Variants in DOCK9 observed in about 807,000 individuals in gnomAD.
DOCK9 encodes the protein dedicator of cytokinesis 9.
Under a neutral mutation model 263.3 loss-of-function variants are expected in DOCK9, and 89 were observed. The ratio of observed to expected loss-of-function variants is 0.34; its 90% CI spans 0.28 to 0.40. The LOEUF (loss-of-function observed/expected upper bound fraction) is 0.40, where lower values mean the gene tolerates loss of function less well. Among genes scored for constraint, DOCK9 ranks in the 10% least tolerant of loss-of-function variants. The pLI is 1.00. For missense variants in DOCK9, 2,140 were observed against 2,603.4 expected (o/e 0.82, Z 3.87); for synonymous variants, 976 against 973.1 (o/e 1.00, Z -0.06).
chr13:98,955,328 AAT>A (rs1348125169), intron 2 of DOCK9, 105 bp downstream of exon 2: 23 of 746,136 alleles, frequency 3.1e-5, no homozygotes, highest in Admixed American at 9.8e-5. Context: ...CAAAAAAAAT[AAT>A]AATAATAATA....
At chr13:98,839,950 C>T (rs142012279) in intron 38 of DOCK9, among the ~76,000 whole-genome samples, 5 of 152,308 alleles carry the variant, frequency 3.3e-5, no homozygotes, top group Non-Finnish European at 5.9e-5. Flanking sequence ...TCCTTTTAGC[C>T]ACATATTGTT....
chr13:99,014,312 G>A lies in DOCK9; in HGVS notation c.130-58761C>T, dbSNP rs117512243. ...TTCTAATCTCTGATACCAGTTATTC[G>A]CAAAAGCATATTCCAAAATACCTCA... On this transcript the variant is annotated intron_variant, in intron 1 of 32. Coordinates refer to the DOCK9 transcript ENST00000427887. Among the ~76,000 whole-genome samples, 134 of 152,304 alleles carry A rather than the reference G, an allele frequency of 8.8e-4. 1 individual carries two copies. In the East Asian group the frequency reaches 0.023, roughly 26 times the overall value.
chr13:98,868,265 T>C lies in DOCK9; in HGVS notation c.3056A>G (p.Lys1019Arg), dbSNP rs1198670566. 1 of 1,614,004 alleles carries C rather than the reference T, an allele frequency of 6.2e-7. No homozygotes were observed. Among genetic ancestry groups the C allele is most frequent in the East Asian group, 2.2e-5 (1 of 44,880 alleles). Reference protein sequence around the residue: ...QKFRDNPEASKNANHSLAVFI... With the variant: ...QKFRDNPEASRNANHSLAVFI... ...GACAGCAAGGCTATGATTCGCGTTC[T>C]TAGATGCCTCTGGATTATCTCGAAA... is the stretch of plus-strand genomic sequence containing the variant. The change falls in exon 28 of 53, where the codon AAG (lysine) becomes AGG (arginine). Residue 1019 changes from lysine to arginine, a missense_variant. Lys to Arg is a conservative substitution (Grantham distance 26). Coordinates refer to ENST00000682017, the MANE Select transcript of DOCK9 (RefSeq NM_001366683.2).
intron 1 of DOCK9, among the ~76,000 whole-genome samples, chr13:99,054,236 C>G (rs559191275): frequency 3.3e-5 from 5 of 152,284 alleles, no homozygotes; most frequent in South Asian, 2.1e-4. Context: ...AAAAAAACAG[C>G]CTTGGTCTAG....
rs1316038169 is a variant in DOCK9 at position 98,810,268 on chromosome 13, C to G, written c.5154G>C (p.Glu1718Asp). ...CTTTCCAGAGTCCATCTGCGCACTG[C>G]TCAAGGAGCTCCATCAGCACATCCT... ...FNEDVLMELL[E>D]QCADGLWKAE... Residue 1718 changes from glutamate to aspartate, a missense_variant, in exon 46 of 53, where the codon GAG (glutamate) becomes GAC (aspartate). Glu to Asp is a conservative substitution (Grantham distance 45). This residue lies in a region of DOCK9 where 619 missense variants were observed against 861.8 expected (regional missense o/e 0.72). Coordinates refer to ENST00000682017, the MANE Select transcript of DOCK9 (RefSeq NM_001366683.2). 1 of 1,613,732 alleles carries G rather than the reference C, an allele frequency of 6.2e-7. No homozygotes were observed. Among genetic ancestry groups the G allele is most frequent in the South Asian group, 1.1e-5 (1 of 91,088 alleles).
At chr13:98,968,768 C>G (rs1246395186) in intron 1 of DOCK9, among the ~76,000 whole-genome samples, 3 of 152,130 alleles carry the variant, frequency 2.0e-5, no homozygotes, top group South Asian at 4.1e-4. Flanking sequence ...GAAATTTTTA[C>G]TTGGGCAGAC....
intron 1 of DOCK9, among the ~76,000 whole-genome samples, chr13:99,082,200 AC>A (rs2042147168): frequency 1.3e-5 from 2 of 152,094 alleles, no homozygotes; most frequent in Non-Finnish European, 2.9e-5. Flanking sequence ...AGCCTGGGTG[AC>A]AGATTAAGAT....
At position 98,825,725 on chromosome 13, in the gene DOCK9, T is replaced by G. The variant is rs1284635004; in HGVS notation, c.5023+1105A>C. ...TGCTTTCCTCTTGTGCCCACAGGAA[T>G]AGACCAGCCAACCAGAGAGCCACAG... On this transcript the variant is annotated intron_variant, in intron 44 of 52. Coordinates refer to ENST00000682017, the MANE Select transcript of DOCK9 (RefSeq NM_001366683.2). The surrounding 1 kb of genome is among the most constrained non-coding windows in gnomAD (Gnocchi z 4.1). The G allele has an allele frequency of 2.3e-5, 10 of 439,410 alleles. No homozygotes were observed. The highest frequency in any genetic ancestry group is 3.9e-5 in the Non-Finnish European group (10 of 254,954). The allele number at this position is 439,410 out of a possible 1,614,324, so 27.2% of individuals were successfully genotyped here. A position where few individuals can be genotyped will look rare whatever the true frequency, so the allele number is the denominator to read the frequency against.
chr13:98,825,268 C>A lies in DOCK9; in HGVS notation c.5024-764G>T, dbSNP rs981777513. On this transcript the variant is annotated intron_variant, in intron 44 of 52. Coordinates refer to ENST00000682017, the MANE Select transcript of DOCK9 (RefSeq NM_001366683.2). This position sits in a 1 kb window ranked among gnomAD's most constrained non-coding sequence, Gnocchi z 4.1. Reference sequence around the variant, plus strand: ...AGTCAGTTGGACCACGTCAGCTATGCAAAATGATCAAGTGAAGAAGGGCAT... The same window carrying A: ...AGTCAGTTGGACCACGTCAGCTATGAAAAATGATCAAGTGAAGAAGGGCAT... Among the ~76,000 whole-genome samples the A allele has an allele frequency of 6.6e-6, 1 of 152,196 alleles. No homozygotes were observed. The highest frequency in any genetic ancestry group is 2.4e-5 in the African/African-American group (1 of 41,448).
chr13:99,010,020 G>C (rs1038572736), intron 1 of DOCK9, among the ~76,000 whole-genome samples: 1 of 151,546 alleles, frequency 6.6e-6, no homozygotes, highest in Non-Finnish European at 1.5e-5. Flanking sequence ...AAAAGAGAGA[G>C]AAATATTAAT....
intron 27 of DOCK9, among the ~76,000 whole-genome samples, chr13:98,879,300 C>T (rs1414051991): frequency 6.6e-6 from 1 of 152,136 alleles, no homozygotes; most frequent in Non-Finnish European, 1.5e-5. Flanking sequence ...CAGAAAGGAA[C>T]ACACATCCAG....
At chr13:98,903,249 A>G in intron 10 of DOCK9, 137 bp from the exon 11 acceptor site, 1 of 699,752 alleles carries the variant, frequency 1.4e-6, no homozygotes. Flanking sequence ...TTGCTATTAT[A>G]TAATCGGTTT....
chr13:98,851,049 T>C (rs561929575), intron 35 of DOCK9, among the ~76,000 whole-genome samples: 5 of 152,274 alleles, frequency 3.3e-5, no homozygotes, highest in East Asian at 1.9e-4. Flanking sequence ...AGAACAATGA[T>C]AGGCAGGAAT....
At chr13:98,880,409 G>T in intron 26 of DOCK9, 138 bp downstream of exon 26, 2 of 1,060,708 alleles carry the variant, frequency 1.9e-6, no homozygotes, top group Non-Finnish European at 2.7e-6. Context: ...TAGAAAAGTT[G>T]GTATCAGAGA....
intron 1 of DOCK9, among the ~76,000 whole-genome samples, chr13:98,971,009 A>G (rs1399514833): frequency 6.6e-6 from 1 of 152,202 alleles, no homozygotes; most frequent in Non-Finnish European, 1.5e-5. Flanking sequence ...ACAAAGCTTA[A>G]AACCTGAAAC....
chr13:98,925,975 G>T, intron 3 of DOCK9, 56 bp from the exon 4 acceptor site: 2 of 1,413,090 alleles, frequency 1.4e-6, no homozygotes, highest in South Asian at 1.4e-5. Flanking sequence ...CGTGATTTTT[G>T]GAAAACACTT....
intron 13 of DOCK9, among the ~76,000 whole-genome samples, chr13:98,898,608 C>T (rs2047784715): frequency 6.6e-6 from 1 of 152,098 alleles, no homozygotes; most frequent in Non-Finnish European, 1.5e-5. Flanking sequence ...TTAATAATTA[C>T]TATTTGGTAT....
At chr13:98,892,019 G>T (rs950976645) in intron 15 of DOCK9, among the ~76,000 whole-genome samples, 15 of 152,022 alleles carry the variant, frequency 9.9e-5, no homozygotes, top group African/African-American at 2.7e-4. Flanking sequence ...AATAGTTTTG[G>T]TTTTTTTGCT....
At chr13:99,042,794 G>C (rs535221874) in intron 1 of DOCK9, among the ~76,000 whole-genome samples, 1 of 152,174 alleles carries the variant, frequency 6.6e-6, no homozygotes, top group African/African-American at 2.4e-5. Context: ...CTTCACTGCA[G>C]GTGGAGACTA....
Sources: allele counts gnomAD v4.1 joint callset (sites outside exome capture counted in the v4.1 genomes callset), GRCh38; gene constraint gnomAD v4.1.1; regional missense constraint gnomAD v4.1.1; non-coding constraint Gnocchi (gnomAD v3.1); transcripts MANE v1.5; gene names NCBI Gene and HGNC (gene_info 2026-07-23, HGNC 2026-07-21).